DIP2C: variants seen among roughly 807,000 people sequenced by gnomAD.
DIP2C encodes the protein disco-interacting protein 2 homolog C.
DIP2C carries 33 observed loss-of-function variants against 192.4 expected under a neutral mutation model. The observed-to-expected ratio is 0.17, with a 90% CI of 0.13 to 0.23. DIP2C has a LOEUF of 0.23. Ranked by LOEUF, DIP2C falls within the 10% of genes least tolerant of loss-of-function variation. The pLI is 1.00. For missense variants in DIP2C, 1,537 were observed against 2,110.1 expected (o/e 0.73, Z 5.32); for synonymous variants, 979 against 864.1 (o/e 1.13, Z -2.33).
rs141993666 is a variant in DIP2C at position 389,973 on chromosome 10, C to G, written c.1597+18G>C. The G allele has an allele frequency of 7.6e-5, 122 of 1,602,916 alleles. 4 individuals are homozygous for G. In the South Asian group the frequency reaches 1.3e-3, roughly 17 times the overall value. On this transcript the variant is annotated intron_variant, in intron 13 of 36. Transcript: ENST00000280886. ...GGTTAGAACCAGGGTCCCAAGGAGT[C>G]AGGGTCTGGCACCCCACCTTCCGTG...
chr10:542,855 GATC>G (rs1182167102), intron 1 of DIP2C, among the ~76,000 whole-genome samples: 4 of 151,984 alleles, frequency 2.6e-5, no homozygotes, highest in African/African-American at 7.3e-5. Flanking sequence ...CTATACCACA[GATC>G]ATCAGATCCC....
At chr10:565,216 CCT>C (rs1468907770) in intron 1 of DIP2C, among the ~76,000 whole-genome samples, 1 of 152,076 alleles carries the variant, frequency 6.6e-6, no homozygotes, top group African/African-American at 2.4e-5. Flanking sequence ...GCGTGAATGT[CCT>C]CTCTGTACAA....
At chr10:485,060 G>A (rs1263300302) in intron 2 of DIP2C, 2 of 1,330,310 alleles carry the variant, frequency 1.5e-6, no homozygotes, top group Non-Finnish European at 1.0e-6. Flanking sequence ...AGACCACCAA[G>A]GGGACCACAG....
chr10:552,077 ACT>A (rs1848621140), intron 1 of DIP2C, among the ~76,000 whole-genome samples: 2 of 152,168 alleles, frequency 1.3e-5, no homozygotes, highest in South Asian at 4.1e-4. Flanking sequence ...GGTGAGCCAG[ACT>A]CAGTCTGCAA....
chr10:683,853 G>A (rs367756393), intron 1 of DIP2C, among the ~76,000 whole-genome samples: 1 of 152,206 alleles, frequency 6.6e-6, no homozygotes, highest in African/African-American at 2.4e-5. Flanking sequence ...AAAAAGAGAC[G>A]ACCCATTTGA....
At chr10:588,533 T>TC (rs1851218938) in intron 1 of DIP2C, among the ~76,000 whole-genome samples, 1 of 152,158 alleles carries the variant, frequency 6.6e-6, no homozygotes. Context: ...GCGGCTTGGG[T>TC]CCCTGCCGGG....
At chr10:546,933 C>G (rs11593378) in intron 1 of DIP2C, among the ~76,000 whole-genome samples, 31,569 of 152,160 alleles carry the variant, frequency 0.21, 4,122 homozygotes, top group Non-Finnish European at 0.29. Context: ...ATGAAAGAAT[C>G]AATTTGTTCA....
chr10:410,090 G>A (rs1174897788), intron 8 of DIP2C, among the ~76,000 whole-genome samples: 1 of 152,162 alleles, frequency 6.6e-6, no homozygotes, highest in Non-Finnish European at 1.5e-5. Context: ...TTACAACACA[G>A]TGCAAATTAA....
At chr10:316,404 G>A (rs969468175) in intron 31 of DIP2C, among the ~76,000 whole-genome samples, 2 of 152,178 alleles carry the variant, frequency 1.3e-5, no homozygotes, top group Non-Finnish European at 2.9e-5. Flanking sequence ...CAAACAGTAG[G>A]AGACCTTCCA....
At chr10:394,810 C>A (rs960957970) in intron 10 of DIP2C, among the ~76,000 whole-genome samples, 1 of 145,702 alleles carries the variant, frequency 6.9e-6, no homozygotes, top group Admixed American at 6.9e-5. Context: ...GCTATTCAGC[C>A]TTCAGGGAGG....
In DIP2C at chr10:329,630, G is replaced by A. The variant is rs760135860; in HGVS notation, c.3585-29C>T. On this transcript the variant is annotated intron_variant, in intron 29 of 36. Coordinates refer to ENST00000280886, the MANE Select transcript of DIP2C (RefSeq NM_014974.3). ...CAGAGAAAGAAGAGGCTGTCAGGGC[G>A]GGAGCTCAGCAAGGCTGGAGCTCAG... 45 of 1,594,876 alleles carry A rather than the reference G, an allele frequency of 2.8e-5. No individual in the cohort carries two copies. In the South Asian group the frequency reaches 4.1e-4, roughly 15 times the overall value.
At chr10:350,212 GCTGGGACTACA>G (rs1958723393) in intron 24 of DIP2C, among the ~76,000 whole-genome samples, 1 of 152,010 alleles carries the variant, frequency 6.6e-6, no homozygotes, top group Non-Finnish European at 1.5e-5. Context: ...GCCCCAAGTA[GCTGGGACTACA>G]GGTGCCACCA....
At chr10:618,723 G>A (rs552326511) in intron 1 of DIP2C, among the ~76,000 whole-genome samples, 16 of 152,322 alleles carry the variant, frequency 1.1e-4, no homozygotes, top group African/African-American at 3.1e-4. Context: ...CAGAGCCTCT[G>A]CCAGATCAGG....
intron 4 of DIP2C, among the ~76,000 whole-genome samples, chr10:439,332 T>C (rs1228059096): frequency 2.0e-5 from 3 of 151,766 alleles, no homozygotes; most frequent in East Asian, 1.9e-4. Flanking sequence ...GTTCACTCCC[T>C]TGCCCACTGG....
intron 1 of DIP2C, among the ~76,000 whole-genome samples, chr10:506,198 G>A (rs976770923): frequency 2.0e-5 from 3 of 152,140 alleles, no homozygotes; most frequent in Admixed American, 6.5e-5. Flanking sequence ...GCTGGAGAGA[G>A]ATGCCTGGAG....
intron 29 of DIP2C, among the ~76,000 whole-genome samples, chr10:336,462 T>C (rs1281544737): frequency 2.0e-5 from 3 of 152,236 alleles, no homozygotes; most frequent in Non-Finnish European, 4.4e-5. Context: ...ATCACATTTT[T>C]TTATTTGCAT....
rs376473787 is a variant in DIP2C, at chr10:468,629, G to A, written c.268+3810C>T. On this transcript the variant is annotated intron_variant, in intron 3 of 36. Transcript: ENST00000280886. Reference sequence around the variant, plus strand: ...TACAAAATTAGCAAGGCATGGTGGCGCATGCCTGTAATCCCAGCTACTTGA... The same window carrying A: ...TACAAAATTAGCAAGGCATGGTGGCACATGCCTGTAATCCCAGCTACTTGA... Among the ~76,000 whole-genome samples the A allele has an allele frequency of 1.6e-4, 24 of 152,154 alleles. 1 individual carries two copies. The highest frequency in any genetic ancestry group is 1.0e-3 in the South Asian group (5 of 4,810).
At chr10:342,509 G>A (rs555070338) in intron 28 of DIP2C, among the ~76,000 whole-genome samples, 9 of 152,264 alleles carry the variant, frequency 5.9e-5, no homozygotes, top group African/African-American at 1.4e-4. Flanking sequence ...GAGGCACCAC[G>A]GTGCATTCCT....
chr10:579,921 CAT>C (rs900221086), intron 1 of DIP2C, among the ~76,000 whole-genome samples: 14 of 151,912 alleles, frequency 9.2e-5, no homozygotes, highest in South Asian at 2.1e-4. Flanking sequence ...ATACAATGTA[CAT>C]ATAGGTACAC....
Sources: allele counts gnomAD v4.1 joint callset (sites outside exome capture counted in the v4.1 genomes callset), GRCh38; gene constraint gnomAD v4.1.1; transcripts MANE v1.5; gene names NCBI Gene and HGNC (gene_info 2026-07-23, HGNC 2026-07-21).